SPAG16: variants seen among roughly 807,000 people sequenced by gnomAD.
The protein encoded by SPAG16 is sperm-associated antigen 16 protein.
A neutral mutation model predicts 80.4 loss-of-function variants in SPAG16; 86 were observed. That is an observed-to-expected ratio of 1.07 (90% CI 0.90 to 1.28). The LOEUF is 1.28. Ranked by LOEUF, SPAG16 falls within the 50% of genes most tolerant of loss-of-function variation. The pLI is 0.00. For synonymous variants in SPAG16, 294 were observed against 265.9 expected (o/e 1.11, Z -1.03); for missense variants, 870 against 765.3 (o/e 1.14, Z -1.61).
chr2:214,259,428 T>C (rs907806608), intron 15 of SPAG16, among the ~76,000 whole-genome samples: 2 of 150,380 alleles, frequency 1.3e-5, no homozygotes, highest in Non-Finnish European at 3.0e-5. Flanking sequence ...TATGTGTGTG[T>C]ATATATACAC....
At chr2:213,912,210 G>A (rs1224212396) in intron 11 of SPAG16, among the ~76,000 whole-genome samples, 1 of 152,030 alleles carries the variant, frequency 6.6e-6, no homozygotes, top group Non-Finnish European at 1.5e-5. Context: ...ACTTGAAAAT[G>A]CTTTTAGTTT....
At chr2:213,485,649 T>G (rs1328178431) in intron 9 of SPAG16, among the ~76,000 whole-genome samples, 1 of 152,162 alleles carries the variant, frequency 6.6e-6, no homozygotes, top group Admixed American at 6.5e-5. Flanking sequence ...ACCTAGTAAT[T>G]AACATAGTGC....
chr2:213,870,979 C>T lies in SPAG16; in HGVS notation c.1214+8351C>T, dbSNP rs77428201. 5.5e-3 allele frequency among the ~76,000 whole-genome samples: 841 copies of T among 152,066 alleles called. 13 individuals carry two copies. Among genetic ancestry groups the T allele is most frequent in the East Asian group, 0.042 (216 of 5,168 alleles). On this transcript the variant is annotated intron_variant, in intron 11 of 15. Coordinates refer to ENST00000331683, the MANE Select transcript of SPAG16 (RefSeq NM_024532.5). ...ATTAGAATAAACAGAATTGAAGATG[C>T]GAGACCAGAAATGTAGTCACTTTCT...
chr2:214,030,137 C>T (rs1072570), intron 13 of SPAG16, among the ~76,000 whole-genome samples: 38,603 of 152,020 alleles, frequency 0.25, 5,339 homozygotes, highest in Non-Finnish European at 0.3. Context: ...TCTATTTCCC[C>T]CTTCCGCAGG....
intron 10 of SPAG16, among the ~76,000 whole-genome samples, chr2:213,633,067 G>A (rs1229397803): frequency 6.6e-6 from 1 of 152,082 alleles, no homozygotes; most frequent in Non-Finnish European, 1.5e-5. Flanking sequence ...TTGAATGTTT[G>A]GTAGAATTCA....
At chr2:213,531,338 C>A (rs911867115) in intron 10 of SPAG16, among the ~76,000 whole-genome samples, 3 of 147,378 alleles carry the variant, frequency 2.0e-5, no homozygotes, top group African/African-American at 7.6e-5. Flanking sequence ...CATTTCTTTT[C>A]TGTTTATTAA....
chr2:213,317,416 A>G, intron 5 of SPAG16, 60 bp downstream of exon 5: 2 of 1,537,794 alleles, frequency 1.3e-6, no homozygotes, highest in Non-Finnish European at 1.7e-6. Flanking sequence ...AAAAGAGTTG[A>G]GTGAAGCTGA....
At chr2:213,682,338 G>T (rs1439114479) in intron 10 of SPAG16, among the ~76,000 whole-genome samples, 1 of 152,142 alleles carries the variant, frequency 6.6e-6, no homozygotes, top group Non-Finnish European at 1.5e-5. Flanking sequence ...ATTAAGTCAG[G>T]TTCTTTTTAC....
chr2:214,051,587 G>A (rs900372198), intron 13 of SPAG16, among the ~76,000 whole-genome samples: 3 of 152,166 alleles, frequency 2.0e-5, no homozygotes, highest in African/African-American at 7.2e-5. Flanking sequence ...TACCCCTGCT[G>A]TCTGTCCCAT....
intron 9 of SPAG16, among the ~76,000 whole-genome samples, chr2:213,461,439 A>G (rs1387402062): frequency 6.6e-6 from 1 of 152,188 alleles, no homozygotes; most frequent in East Asian, 1.9e-4. Context: ...ACATAGATGA[A>G]TGATGTGCAA....
intron 12 of SPAG16, among the ~76,000 whole-genome samples, chr2:213,979,251 A>T (rs891406430): frequency 6.8e-6 from 1 of 147,144 alleles, no homozygotes; most frequent in Non-Finnish European, 1.5e-5. Flanking sequence ...TTTTTAAATT[A>T]AAAAAAAAGA....
intron 1 of SPAG16, 97 bp downstream of exon 1, chr2:213,284,716 G>A (rs2061990020): frequency 1.4e-6 from 2 of 1,458,980 alleles, no homozygotes; most frequent in South Asian, 2.8e-5. Context: ...TTTGAGCCTT[G>A]GGGCCACTCC....
chr2:213,989,731 G>A lies in SPAG16; in HGVS notation c.1401-24220G>A, dbSNP rs539393719. 3.3e-5 allele frequency among the ~76,000 whole-genome samples: 5 copies of A among 152,144 alleles called. No homozygotes were observed. The South Asian group carries it at 6.2e-4, about 19-fold the overall frequency. On this transcript the variant is annotated intron_variant, in intron 12 of 15. Coordinates refer to ENST00000331683, the MANE Select transcript of SPAG16 (RefSeq NM_024532.5). ...ATATTTAGCCAGCATTTTGAAAATTGTATAATGTTCAAATCGATGTCAGAC... is the reference window on the plus strand; with the variant it reads ...ATATTTAGCCAGCATTTTGAAAATTATATAATGTTCAAATCGATGTCAGAC...
At chr2:213,915,140 T>A (rs917561743) in intron 11 of SPAG16, among the ~76,000 whole-genome samples, 10 of 151,952 alleles carry the variant, frequency 6.6e-5, no homozygotes, top group Non-Finnish European at 8.8e-5. Flanking sequence ...TTTTTTTTTT[T>A]TAATTATACT....
At chr2:213,731,525 T>C (rs1424030278) in intron 10 of SPAG16, among the ~76,000 whole-genome samples, 1 of 151,878 alleles carries the variant, frequency 6.6e-6, no homozygotes, top group Non-Finnish European at 1.5e-5. Context: ...ATGTGCAGAT[T>C]TGTTACATAG....
intron 15 of SPAG16, among the ~76,000 whole-genome samples, chr2:214,342,502 T>C (rs907812741): frequency 1.3e-5 from 2 of 152,068 alleles, no homozygotes; most frequent in Admixed American, 6.6e-5. Context: ...CTTAGGAGAA[T>C]CCAATGCCTG....
chr2:213,311,912 C>A (rs1329843671), intron 4 of SPAG16, among the ~76,000 whole-genome samples: 1 of 151,294 alleles, frequency 6.6e-6, no homozygotes, highest in African/African-American at 2.4e-5. Flanking sequence ...TTAAAATAAG[C>A]AAACAAACAA....
intron 13 of SPAG16, among the ~76,000 whole-genome samples, chr2:214,055,936 C>T (rs1005206265): frequency 2.6e-5 from 4 of 151,770 alleles, no homozygotes; most frequent in Non-Finnish European, 5.9e-5. Flanking sequence ...AAATTTTTAC[C>T]ATGAAGTGAA....
intron 10 of SPAG16, among the ~76,000 whole-genome samples, chr2:213,760,769 T>C (rs967403532): frequency 2.6e-5 from 4 of 152,192 alleles, no homozygotes; most frequent in Non-Finnish European, 4.4e-5. Flanking sequence ...GGATAATTTA[T>C]ATAAAAATGT....
Sources: gnomAD v4.1 joint callset for allele counts (sites outside exome capture counted in the v4.1 genomes callset) on GRCh38, gnomAD v4.1.1 for gene constraint, MANE v1.5 for transcripts, NCBI Gene and HGNC (gene_info 2026-07-23, HGNC 2026-07-21) for gene names.